Variants in PPP2R2C observed in about 807,000 individuals in gnomAD.
PPP2R2C encodes the protein protein phosphatase 2 regulatory subunit Bgamma.
Under a neutral mutation model 45.3 loss-of-function variants are expected in PPP2R2C, and 10 were observed. That is an observed-to-expected ratio of 0.22 (90% CI 0.14 to 0.37). PPP2R2C has a LOEUF of 0.37. Ranked by LOEUF, PPP2R2C falls within the 10% of genes least tolerant of loss-of-function variation. The pLI is 1.00. For missense variants in PPP2R2C, 308 were observed against 619.7 expected, an observed-to-expected ratio of 0.50 and a Z score of 5.34; for synonymous variants, 257 against 245.4, an observed-to-expected ratio of 1.05 and a Z score of -0.44.
At chr4:6,389,403 C>T (rs1007396785) in intron 1 of PPP2R2C, among the ~76,000 whole-genome samples, 121 of 152,164 alleles carry the variant, frequency 8.0e-4, no homozygotes, top group African/African-American at 2.3e-3. Flanking sequence ...AAGCCCAGCT[C>T]GAGCCTTCTG....
Position 6,345,280 on chromosome 4 carries a change from T to C in PPP2R2C, c.790+2566A>G, listed in dbSNP as rs1711738060. Among the ~76,000 whole-genome samples the C allele has an allele frequency of 6.6e-6, 1 of 152,118 alleles. No homozygotes were observed. Among genetic ancestry groups the C allele is most frequent in the Non-Finnish European group, 1.5e-5 (1 of 68,024 alleles). On this transcript the variant is annotated intron_variant, in intron 6 of 8. Coordinates refer to ENST00000382599, the MANE Select transcript of PPP2R2C (RefSeq NM_020416.4). The surrounding 1 kb of genome is among the most constrained non-coding windows in gnomAD (Gnocchi z 5.3). ...GTACACAGGCACAGCTGGAGGCACA[T>C]GTGGCCTGAGTGAATGGGCGGGAGG...
At chr4:6,512,365 GTGGTGGTGGTGGTGGTGGTGGTGA>G (rs1723643272) in intron 2 of PPP2R2C, among the ~76,000 whole-genome samples, 1 of 12,864 alleles carries the variant, frequency 7.8e-5, no homozygotes, top group Non-Finnish European at 3.4e-4. Flanking sequence ...GCTGATGGTG[GTGGTGGTGGTGGTGGTGGTGGTGA>G]TGGTGGTGGT....
At chr4:6,474,478 C>G (rs1036865599), upstream of PPP2R2C, among the ~76,000 whole-genome samples, 3 of 152,128 alleles carry the variant, frequency 2.0e-5, no homozygotes, top group African/African-American at 7.2e-5. Flanking sequence ...CTCAGCCTCC[C>G]TCTCTGATCA....
intron 1 of PPP2R2C, among the ~76,000 whole-genome samples, chr4:6,404,524 C>A (rs899965325): frequency 1.1e-4 from 16 of 152,306 alleles, no homozygotes; most frequent in African/African-American, 3.4e-4. Flanking sequence ...TTATGAAGCA[C>A]CCAGGTAGCA....
chr4:6,444,276 C>T (rs570942965), intron 1 of PPP2R2C, among the ~76,000 whole-genome samples: 32 of 152,308 alleles, frequency 2.1e-4, no homozygotes, highest in African/African-American at 7.0e-4. Flanking sequence ...TCTGCTCCCG[C>T]GGAGATCAGG....
chr4:6,384,469 A>G (rs2109320854), intron 1 of PPP2R2C: 1 of 983,038 alleles, frequency 1.0e-6, no homozygotes, highest in Non-Finnish European at 1.2e-6. Context: ...TAGATTTTCT[A>G]TAATGAAGTT....
At chr4:6,508,409 A>C (rs1418491117) in intron 2 of PPP2R2C, among the ~76,000 whole-genome samples, 1 of 152,058 alleles carries the variant, frequency 6.6e-6, no homozygotes, top group Non-Finnish European at 1.5e-5. Context: ...ACATGGTGAA[A>C]CCCTGTCTCT....
At position 6,378,322 on chromosome 4, in the gene PPP2R2C, C is replaced by T. The variant is rs1263583024; in HGVS notation, c.334+85G>A. 2 of 1,584,662 alleles carry T rather than the reference C, an allele frequency of 1.3e-6. No homozygotes were observed. The highest frequency in any genetic ancestry group is 4.5e-5 in the East Asian group (2 of 44,540). On this transcript the variant is annotated intron_variant, in intron 3 of 8. Coordinates refer to ENST00000382599, the MANE Select transcript of PPP2R2C (RefSeq NM_020416.4). This position sits in a 1 kb window ranked among gnomAD's most constrained non-coding sequence, Gnocchi z 5.2. ...CGTTCTGAAGACATAGAAAAATGCT[C>T]ACAATATAAGTGAAATACAAACCAG...
rs552131289 is a variant in PPP2R2C at position 6,500,646 on chromosome 4, G to C, written c.49+34625C>G. Among the ~76,000 whole-genome samples the C allele has an allele frequency of 3.3e-5, 5 of 152,336 alleles. 1 individual carries two copies. The South Asian group carries it at 1.0e-3, about 32-fold the overall frequency. On this transcript the variant is annotated intron_variant, in intron 2 of 9. Coordinates refer to the PPP2R2C transcript ENST00000506140. ...AAAGAACCTGCTTTCATGGTTGTGTGTGACCAGGAAGGAAAGAGGGGGGTT... is the reference window on the plus strand; with the variant it reads ...AAAGAACCTGCTTTCATGGTTGTGTCTGACCAGGAAGGAAAGAGGGGGGTT...
intron 2 of PPP2R2C, among the ~76,000 whole-genome samples, chr4:6,495,696 TA>T (rs1722860180): frequency 6.6e-6 from 1 of 152,222 alleles, no homozygotes; most frequent in Admixed American, 6.5e-5. Context: ...GAAAATCAGC[TA>T]AAAGATGCCA....
chr4:6,355,729 G>T (rs192592341), intron 5 of PPP2R2C, among the ~76,000 whole-genome samples: 1 of 152,042 alleles, frequency 6.6e-6, no homozygotes, highest in Non-Finnish European at 1.5e-5. Context: ...GGTGGTTCAC[G>T]CCTGTAATCC....
intron 1 of PPP2R2C, among the ~76,000 whole-genome samples, chr4:6,440,660 G>A (rs59358284): frequency 0.52 from 78,408 of 152,072 alleles, 21,774 homozygotes; most frequent in Non-Finnish European, 0.65. Context: ...TCTGGCCCCC[G>A]GTTTGCTGTG....
chr4:6,537,979 G>A (rs1454422816), intron 1 of PPP2R2C, among the ~76,000 whole-genome samples: 1 of 152,168 alleles, frequency 6.6e-6, no homozygotes, highest in Non-Finnish European at 1.5e-5. Flanking sequence ...CAGGGCTGGG[G>A]TTATGGAGAG....
intron 1 of PPP2R2C, among the ~76,000 whole-genome samples, chr4:6,470,554 C>G (rs1304021125): frequency 6.6e-6 from 1 of 152,216 alleles, no homozygotes; most frequent in African/African-American, 2.4e-5. Context: ...CAGACCACAG[C>G]GAGCCTGGGA....
intron 1 of PPP2R2C, among the ~76,000 whole-genome samples, chr4:6,561,343 G>C (rs922086780): frequency 6.6e-6 from 1 of 152,294 alleles, no homozygotes; most frequent in South Asian, 2.1e-4. Flanking sequence ...ATGACAGGCG[G>C]AGAGAGAGTG....
rs1234997212 is a variant in PPP2R2C, at chr4:6,320,653, G to T, written c.*2649C>A. The T allele has an allele frequency of 6.6e-6, 1 of 152,420 alleles. No homozygotes were observed. Among genetic ancestry groups the T allele is most frequent in the Non-Finnish European group, 1.5e-5 (1 of 68,028 alleles). 9.4% of individuals were successfully genotyped at this position (152,420 alleles called of 1,614,324 possible). On this transcript the variant is annotated 3_prime_UTR_variant, in exon 9 of 9. Transcript: ENST00000382599. The stretch of plus-strand genomic sequence containing the variant: ...ATATTTATAGTTTTATTCAACAATT[G>T]GGTAATTTGTGAGACACCAAAGAAA...
chr4:6,496,042 C>G (rs1722871909), intron 2 of PPP2R2C, among the ~76,000 whole-genome samples: 1 of 152,216 alleles, frequency 6.6e-6, no homozygotes, highest in Non-Finnish European at 1.5e-5. Context: ...GCCTCCTCCT[C>G]TGTATCTCCC....
chr4:6,525,180 G>A (rs1211869570), intron 2 of PPP2R2C, among the ~76,000 whole-genome samples: 1 of 152,152 alleles, frequency 6.6e-6, no homozygotes, highest in Non-Finnish European at 1.5e-5. Context: ...CGAGATGGTT[G>A]GATCATCTGA....
intron 1 of PPP2R2C, among the ~76,000 whole-genome samples, chr4:6,429,185 G>C (rs1191764430): frequency 6.6e-6 from 1 of 152,178 alleles, no homozygotes; most frequent in African/African-American, 2.4e-5. Context: ...ATGGGCTGTA[G>C]CTACCACCCC....
Sources: gnomAD v4.1 joint callset for allele counts (sites outside exome capture counted in the v4.1 genomes callset) on GRCh38, gnomAD v4.1.1 for gene constraint, Gnocchi (gnomAD v3.1) non-coding constraint, MANE v1.5 for transcripts, NCBI Gene and HGNC (gene_info 2026-07-23, HGNC 2026-07-21) for gene names.